Variants in DROSHA observed in about 807,000 individuals in gnomAD.
The protein encoded by DROSHA is drosha ribonuclease III.
A neutral mutation model predicts 181.9 loss-of-function variants in DROSHA; 56 were observed. That is an observed-to-expected ratio of 0.31 (90% CI 0.25 to 0.38). The LOEUF is 0.38. DROSHA is among the 10% of genes least tolerant of loss of function. DROSHA has a pLI of 1.00. For synonymous variants in DROSHA, 524 were observed against 591.2 expected (o/e 0.89, Z 1.65); for missense variants, 1,218 against 1,743.5 (o/e 0.70, Z 5.37).
intron 22 of DROSHA, among the ~76,000 whole-genome samples, chr5:31,449,072 T>G (rs575475149): frequency 6.6e-6 from 1 of 152,002 alleles, no homozygotes; most frequent in Admixed American, 6.6e-5. Context: ...GAGGCAAAGT[T>G]TGCAGTGAGC....
In DROSHA at chr5:31,493,120, A is replaced by T. The variant is rs1752593077; in HGVS notation, c.1842+87T>A. On this transcript the variant is annotated intron_variant, in intron 13 of 35. Transcript: ENST00000344624. The stretch of plus-strand genomic sequence containing the variant: ...GCAGAGGAAATGTTTCTTAGGAGGC[A>T]GATGACAGGAAATGTTTTGACTTTT... The T allele has an allele frequency of 6.2e-6, 8 of 1,299,508 alleles. No individual in the cohort carries two copies. In the South Asian group the frequency reaches 1.1e-4, roughly 17 times the overall value. The allele number at this position is 1,299,508 out of a possible 1,614,324, so 80.5% of individuals were successfully genotyped here.
chr5:31,478,681 C>A (rs140560383), intron 16 of DROSHA, among the ~76,000 whole-genome samples: 2,467 of 152,104 alleles, frequency 0.016, 49 homozygotes, highest in African/African-American at 0.056. Flanking sequence ...TTGCAGTGAG[C>A]CGAGATGGCA....
chr5:31,524,126 A>G (rs1580386236), intron 5 of DROSHA, among the ~76,000 whole-genome samples: 2 of 152,320 alleles, frequency 1.3e-5, no homozygotes, highest in East Asian at 1.9e-4. Context: ...TTGGCCCACC[A>G]GAAATGAGTC....
At position 31,515,135 on chromosome 5, in the gene DROSHA, G is replaced by A. The variant is rs1739133891; in HGVS notation, c.1143C>T (p.Asp381=). Reference sequence around the variant, plus strand: ...TTTCCTTGATTGAGGTATAGTTCTTGTCTTTGCCAGAACTCTGGTTGTCAC... The same window carrying A: ...TTTCCTTGATTGAGGTATAGTTCTTATCTTTGCCAGAACTCTGGTTGTCAC... ...RWSDNQSSGK[D]KNYTSIKEKE... is the part of the protein sequence containing the mutation. Residue 381 remains aspartate, a synonymous_variant, in exon 8 of 36, where the codon GAC becomes GAT. Transcript: ENST00000344624. 2 of 1,613,916 alleles carry A rather than the reference G, an allele frequency of 1.2e-6. No individual in the cohort carries two copies. The highest frequency in any genetic ancestry group is 1.7e-6 in the Non-Finnish European group (2 of 1,179,894).
chr5:31,485,238 T>G (rs79446054), intron 14 of DROSHA, among the ~76,000 whole-genome samples: 6,443 of 152,220 alleles, frequency 0.042, 450 homozygotes, highest in African/African-American at 0.15. Flanking sequence ...ATTAATATAT[T>G]TTTCTAATTC....
chr5:31,488,063 A>C (rs1017744104), intron 13 of DROSHA, among the ~76,000 whole-genome samples: 3 of 152,198 alleles, frequency 2.0e-5, no homozygotes, highest in Non-Finnish European at 2.9e-5. Context: ...ACAAACAAGC[A>C]ACAAAAAAAG....
chr5:31,443,311 C>T (rs982740967), intron 23 of DROSHA, among the ~76,000 whole-genome samples: 4 of 152,022 alleles, frequency 2.6e-5, no homozygotes, highest in African/African-American at 9.7e-5. Context: ...AGCCACCACA[C>T]CTGGCTGAGA....
chr5:31,504,521 A>G (rs1485980379), intron 11 of DROSHA, 34 bp downstream of exon 11: 8 of 1,609,792 alleles, frequency 5.0e-6, no homozygotes, highest in African/African-American at 1.3e-5. Context: ...CTGGCTTCTC[A>G]GCATTTACAA....
At chr5:31,490,513 C>G (rs1752284626) in intron 13 of DROSHA, among the ~76,000 whole-genome samples, 1 of 152,090 alleles carries the variant, frequency 6.6e-6, no homozygotes, top group Non-Finnish European at 1.5e-5. Flanking sequence ...TGTCAGAGCT[C>G]TTAACATCAG....
rs1743195364 is a variant in DROSHA at position 31,424,343 on chromosome 5, G to T, written c.3261+84C>A. The T allele has an allele frequency of 4.0e-6, 6 of 1,492,824 alleles. No individual in the cohort carries two copies. The South Asian group carries it at 7.3e-5, about 18-fold the overall frequency. The allele number at this position is 1,492,824 out of a possible 1,614,324, so 92.5% of individuals were successfully genotyped here. On this transcript the variant is annotated intron_variant, in intron 28 of 35. Coordinates refer to ENST00000344624, the MANE Select transcript of DROSHA (RefSeq NM_001382508.1). ...CACCGAAGAGAATCAAAAGATAAAAGTGGGGAAGGAAAAAAAGGCAAAGGA... is the reference window on the plus strand; with the variant it reads ...CACCGAAGAGAATCAAAAGATAAAATTGGGGAAGGAAAAAAAGGCAAAGGA...
intron 16 of DROSHA, among the ~76,000 whole-genome samples, chr5:31,481,349 G>A (rs1201709787): frequency 6.6e-6 from 1 of 152,118 alleles, no homozygotes; most frequent in African/African-American, 2.4e-5. Flanking sequence ...ATAGTTACGT[G>A]AGAGTTGAAA....
rs1382891901 is a variant in DROSHA, at chr5:31,410,665, A to C, written c.3667+81T>G. 7.3e-6 allele frequency: 11 copies of C among 1,501,278 alleles called. No individual in the cohort carries two copies. The African/African-American group carries it at 1.4e-4, about 19-fold the overall frequency. 93.0% of individuals were successfully genotyped at this position (1,501,278 alleles called of 1,614,324 possible). A position where few individuals can be genotyped will look rare whatever the true frequency, so the allele number is the denominator to read the frequency against. ...AGGTTTCTTTAGCCAGAACATAATA[A>C]TAATGAGGAGGAGGACAAATACGGT... On this transcript the variant is annotated intron_variant, in intron 31 of 35. Coordinates refer to ENST00000344624, the MANE Select transcript of DROSHA (RefSeq NM_001382508.1).
intron 31 of DROSHA, 118 bp downstream of exon 31, chr5:31,410,628 A>C: frequency 7.1e-7 from 1 of 1,406,668 alleles, no homozygotes; most frequent in South Asian, 1.6e-5. Flanking sequence ...TAAAAAATTA[A>C]AATAGCAAAC....
At chr5:31,434,266 T>C (rs536402306) in intron 25 of DROSHA, among the ~76,000 whole-genome samples, 25 of 152,232 alleles carry the variant, frequency 1.6e-4, no homozygotes, top group Non-Finnish European at 3.2e-4. Flanking sequence ...GAAAAATAAT[T>C]ATGCCATTCC....
rs2150029642 is a variant in DROSHA, at chr5:31,472,972, G to A, written c.2072-740C>T. ...TCCACTTCATTTGGGCATTAATGTG[G>A]GGTCCACAGGCTTCTGCCTTCTCTT... On this transcript the variant is annotated intron_variant, in intron 16 of 35. Coordinates refer to ENST00000344624, the MANE Select transcript of DROSHA (RefSeq NM_001382508.1). Among the ~76,000 whole-genome samples, 2 of 152,338 alleles carry A rather than the reference G, an allele frequency of 1.3e-5. 1 individual carries two copies. The highest frequency in any genetic ancestry group is 4.1e-4 in the South Asian group (2 of 4,830).
intron 5 of DROSHA, among the ~76,000 whole-genome samples, chr5:31,523,420 T>A (rs1580383711): frequency 1.3e-5 from 2 of 152,330 alleles, no homozygotes; most frequent in Middle Eastern, 6.8e-3. Flanking sequence ...TCACAGGACA[T>A]CTGAGTTTCT....
chr5:31,464,283 T>C lies in DROSHA; in HGVS notation c.2527A>G (p.Ser843Gly). 6.2e-7 allele frequency: 1 copy of C among 1,613,500 alleles called. No homozygotes were observed. Among genetic ancestry groups the C allele is most frequent in the Non-Finnish European group, 8.5e-7 (1 of 1,179,658 alleles). ...CCAGTTTTCCAGAATCCTTGGCTAC[T>C]TAGCTCCACCGTTACTTCTCGTCTC... ...TMRREVTVEL[S>G]SQGFWKTGIR... is the part of the protein sequence containing the mutation. Residue 843 changes from serine to glycine, a missense_variant, in exon 20 of 36, where the codon AGT becomes GGT. Transcript: ENST00000344624.
In DROSHA at chr5:31,527,195, C is replaced by T. The variant is rs147401850; in HGVS notation, c.21-283G>A. Among the ~76,000 whole-genome samples, 328 of 152,264 alleles carry T rather than the reference C, an allele frequency of 2.2e-3. 3 individuals are homozygous for T. The highest frequency in any genetic ancestry group is 7.4e-3 in the African/African-American group (309 of 41,546). Reference sequence around the variant, plus strand: ...TGCTCCACTTCCAAAATGACCAATTCAACATCCCATTGTTCACCATTTGCT... The same window carrying T: ...TGCTCCACTTCCAAAATGACCAATTTAACATCCCATTGTTCACCATTTGCT... On this transcript the variant is annotated intron_variant, in intron 4 of 35. Coordinates refer to ENST00000344624, the MANE Select transcript of DROSHA (RefSeq NM_001382508.1).
intron 17 of DROSHA, among the ~76,000 whole-genome samples, chr5:31,469,817 T>C (rs1213763234): frequency 6.6e-6 from 1 of 152,194 alleles, no homozygotes; most frequent in Non-Finnish European, 1.5e-5. Flanking sequence ...GAATAAAAAA[T>C]GACAAAAGTC....
Sources: allele counts gnomAD v4.1 joint callset (sites outside exome capture counted in the v4.1 genomes callset), GRCh38; gene constraint gnomAD v4.1.1; transcripts MANE v1.5; gene names NCBI Gene and HGNC (gene_info 2026-07-23, HGNC 2026-07-21).